UACA: variants seen among roughly 807,000 people sequenced by gnomAD.
The protein encoded by UACA is uveal autoantigen with coiled-coil domains and ankyrin repeats.
Under a neutral mutation model 160.5 loss-of-function variants are expected in UACA, and 112 were observed. The ratio of observed to expected loss-of-function variants is 0.70; its 90% confidence interval spans 0.60 to 0.82. The LOEUF (loss-of-function observed/expected upper bound fraction) is 0.82. Among genes scored for constraint, UACA ranks in the 40% least tolerant of loss-of-function variants. The probability of loss-of-function intolerance (pLI) is 0.00; values close to 1 mark genes in which losing one functional copy is unlikely to be tolerated. For missense variants in UACA, 1,574 were observed against 1,614.6 expected (o/e 0.97, Z 0.43); for synonymous variants, 557 against 568.4 (o/e 0.98, Z 0.29).
At chr15:70,725,012 A>G (rs1468741411) in intron 1 of UACA, among the ~76,000 whole-genome samples, 1 of 152,022 alleles carries the variant, frequency 6.6e-6, no homozygotes, top group African/African-American at 2.4e-5. Flanking sequence ...GGATCACTTA[A>G]GCAAAGGAGG....
intron 1 of UACA, chr15:70,758,662 A>AT (rs2030569010): frequency 6.6e-6 from 1 of 152,158 alleles, no homozygotes; most frequent in Non-Finnish European, 1.5e-5. Context: ...GTTTTTGAAG[A>AT]TTTTTTTCAG....
At chr15:70,726,372 G>A (rs982529446) in intron 1 of UACA, among the ~76,000 whole-genome samples, 1 of 152,048 alleles carries the variant, frequency 6.6e-6, no homozygotes, top group African/African-American at 2.4e-5. Flanking sequence ...TGAGCAGCAT[G>A]GAGGAAATTG....
At chr15:70,711,074 T>C (rs1898668513) in intron 1 of UACA, among the ~76,000 whole-genome samples, 1 of 152,160 alleles carries the variant, frequency 6.6e-6, no homozygotes, top group Non-Finnish European at 1.5e-5. Flanking sequence ...CAAAAGGCAC[T>C]CTTATCTCTC....
At chr15:70,722,154 A>C (rs1899011958) in intron 1 of UACA, among the ~76,000 whole-genome samples, 1 of 152,216 alleles carries the variant, frequency 6.6e-6, no homozygotes, top group Admixed American at 6.5e-5. Context: ...GGCATTTTAA[A>C]CACTTTATAA....
intron 16 of UACA, among the ~76,000 whole-genome samples, chr15:70,665,990 C>T (rs1896890252): frequency 6.6e-6 from 1 of 152,106 alleles, no homozygotes; most frequent in Non-Finnish European, 1.5e-5. Flanking sequence ...TAAATTGTAC[C>T]ATGAGAATTA....
rs181173438 is a variant in UACA at position 70,673,091 on chromosome 15, C to T, written c.1132-1090G>A. On this transcript the variant is annotated intron_variant, in intron 13 of 18. Coordinates refer to ENST00000322954, the MANE Select transcript of UACA (RefSeq NM_018003.4). ...AGCCTGGGCAACAAGAGTGAAACTT[C>T]GTCTCAAAAATAAATAAATAAATAA... Among the ~76,000 whole-genome samples, 104 of 151,784 alleles carry T rather than the reference C, an allele frequency of 6.9e-4. 1 individual carries two copies. The highest frequency in any genetic ancestry group is 2.3e-3 in the Admixed American group (35 of 15,230).
intron 1 of UACA, among the ~76,000 whole-genome samples, chr15:70,701,702 A>G (rs1015047432): frequency 6.6e-6 from 1 of 152,242 alleles, no homozygotes; most frequent in Non-Finnish European, 1.5e-5. Flanking sequence ...TTTTAAACCC[A>G]GAGAAAGAAA....
At chr15:70,777,353 G>A in the UACA span, among the ~76,000 whole-genome samples, 4 of 152,104 alleles carry the variant, frequency 2.6e-5, no homozygotes, top group Non-Finnish European at 4.4e-5. Context: ...GATTCTGGAG[G>A]CCAGGAGGGA....
intron 18 of UACA, among the ~76,000 whole-genome samples, chr15:70,659,805 T>C (rs1896637462): frequency 6.6e-6 from 1 of 152,060 alleles, no homozygotes; most frequent in South Asian, 2.1e-4. Context: ...TTCAAAGCCA[T>C]TCCCACTCTC....
At chr15:70,741,144 G>A (rs1899523250) in intron 1 of UACA, among the ~76,000 whole-genome samples, 1 of 152,196 alleles carries the variant, frequency 6.6e-6, no homozygotes, top group East Asian at 1.9e-4. Flanking sequence ...CACTGTCAAG[G>A]CCAGGCAATA....
At chr15:70,769,174 C>T in the UACA span, among the ~76,000 whole-genome samples, 11 of 151,636 alleles carry the variant, frequency 7.3e-5, no homozygotes, top group Admixed American at 6.6e-4. Flanking sequence ...CTGGCTAACA[C>T]GGTGAAACCC....
intron 7 of UACA, among the ~76,000 whole-genome samples, chr15:70,686,315 G>A (rs1040243781): frequency 1.3e-5 from 2 of 151,740 alleles, no homozygotes; most frequent in Non-Finnish European, 2.9e-5. Context: ...TACATATAAG[G>A]TATACATTGG....
the UACA span, among the ~76,000 whole-genome samples, chr15:70,768,645 C>G: frequency 3.9e-5 from 6 of 152,128 alleles, no homozygotes; most frequent in Non-Finnish European, 8.8e-5. Flanking sequence ...CAGATAAACA[C>G]CAGGAATTTG....
intron 1 of UACA, among the ~76,000 whole-genome samples, chr15:70,762,279 G>C (rs1249980368): frequency 1.3e-5 from 2 of 152,118 alleles, no homozygotes; most frequent in Non-Finnish European, 2.9e-5. Flanking sequence ...AGCAGAAGCA[G>C]ATTAATTAGT....
At chr15:70,660,044 G>A (rs1896647954) in intron 18 of UACA, 107 bp downstream of exon 18, 1 of 812,312 alleles carries the variant, frequency 1.2e-6, no homozygotes, top group Non-Finnish European at 1.9e-6. Flanking sequence ...TAAGCATAGG[G>A]GGTGCAGCTA....
At chr15:70,679,174 G>T (rs945674214) in intron 10 of UACA, among the ~76,000 whole-genome samples, 1 of 151,936 alleles carries the variant, frequency 6.6e-6, no homozygotes, top group African/African-American at 2.4e-5. Context: ...AGGCTGAGGC[G>T]GGTGGATCAC....
chr15:70,659,409 T>TTTTTTTTTC (rs1566958301), intron 18 of UACA, among the ~76,000 whole-genome samples: 1 of 132,022 alleles, frequency 7.6e-6, no homozygotes, highest in African/African-American at 2.8e-5. Flanking sequence ...TTTTTTTTTT[T>TTTTTTTTTC]TTTTTTTTTT....
chr15:70,688,750 A>C (rs1382796797), intron 5 of UACA, among the ~76,000 whole-genome samples: 1 of 152,164 alleles, frequency 6.6e-6, no homozygotes, highest in Non-Finnish European at 1.5e-5. Flanking sequence ...GCTTAAAGCC[A>C]AAAAGAGAAA....
In UACA at chr15:70,685,924, A is replaced by G. The variant is rs944868328; in HGVS notation, c.603-1478T>C. On this transcript the variant is annotated intron_variant, in intron 7 of 18. Coordinates refer to ENST00000322954, the MANE Select transcript of UACA (RefSeq NM_018003.4). ...TGAGTAGCTGGGATTACAGGCACGC[A>G]CCACCACACCTAGCTAATTTTTGTA... Among the ~76,000 whole-genome samples, 7 of 152,062 alleles carry G rather than the reference A, an allele frequency of 4.6e-5. No homozygotes were observed. In the East Asian group the frequency reaches 1.4e-3, roughly 29 times the overall value.
Sources: gnomAD v4.1 joint callset for allele counts (sites outside exome capture counted in the v4.1 genomes callset) on GRCh38, gnomAD v4.1.1 for gene constraint, MANE v1.5 for transcripts, NCBI Gene and HGNC (gene_info 2026-07-23, HGNC 2026-07-21) for gene names.